DENND4C: variants seen among roughly 807,000 people sequenced by gnomAD.
DENND4C encodes DENN domain containing 4C.
A neutral mutation model predicts 203.0 loss-of-function variants in DENND4C; 108 were observed. The ratio of observed to expected loss-of-function variants is 0.53; its 90% CI spans 0.46 to 0.62. The LOEUF (loss-of-function observed/expected upper bound fraction) is 0.62. DENND4C is among the 20% of genes least tolerant of loss of function. The pLI, the probability that DENND4C is intolerant of heterozygous loss-of-function variation, is 0.00. For missense variants in DENND4C, 2,481 were observed against 2,301.2 expected (o/e 1.08, Z -1.60); for synonymous variants, 871 against 792.4 (o/e 1.10, Z -1.67).
rs1346019756 is a variant in DENND4C, at chr9:19,296,028, G to C, written c.822G>C (p.Gln274His). 3.1e-6 allele frequency: 5 copies of C among 1,613,864 alleles called. No homozygotes were observed. The South Asian group carries it at 4.4e-5, about 14-fold the overall frequency. The change falls in exon 6 of 33, where the codon CAG (glutamine) becomes CAC (histidine). Residue 274 changes from glutamine (Q) to histidine (H), a missense_variant. Gln to His is a conservative substitution (Grantham distance 24). This residue lies in a region of DENND4C where 2,289 missense variants were observed against 2,113.3 expected (regional missense o/e 1.08). Coordinates refer to ENST00000434457, the MANE Select transcript of DENND4C (RefSeq NM_001330640.2). The stretch of plus-strand genomic sequence containing the variant: ...TTTAGGTATATGGAGCTGCCATTCA[G>C]TTTTATGAACCTTACTCTCGGGAAC... ...SAKKVYGAAI[Q>H]FYEPYSRELL...
At chr9:19,356,312 A>G (rs1366114365) in intron 26 of DENND4C, among the ~76,000 whole-genome samples, 2 of 152,172 alleles carry the variant, frequency 1.3e-5, no homozygotes, top group East Asian at 3.8e-4. Flanking sequence ...AGATAAATTG[A>G]TATACAGCAA....
In DENND4C at chr9:19,372,161, G is replaced by C. The variant is rs560577660; in HGVS notation, c.5865G>C (p.Ala1955=). Residue 1955 remains alanine, a synonymous_variant, in exon 33 of 33, where the codon GCG becomes GCC. Transcript: ENST00000434457. ...SVEWCRKCFG[A]PLI ...AGTGGTGCAGGAAGTGTTTTGGAGC[G>C]CCTCTCATTTAAATAGAGATTCACT... The C allele has an allele frequency of 3.1e-6, 5 of 1,610,722 alleles. No individual in the cohort carries two copies. Among genetic ancestry groups the C allele is most frequent in the Non-Finnish European group, 4.2e-6 (5 of 1,178,928 alleles).
chr9:19,359,088 A>AAG (rs1200491053), intron 28 of DENND4C, among the ~76,000 whole-genome samples: 1 of 151,778 alleles, frequency 6.6e-6, no homozygotes, highest in Non-Finnish European at 1.5e-5. Context: ...CAAAAGATAA[A>AAG]ATTTATAGTG....
chr9:19,300,684 A>G (rs919222286), intron 9 of DENND4C, among the ~76,000 whole-genome samples: 5 of 152,234 alleles, frequency 3.3e-5, no homozygotes, highest in African/African-American at 1.2e-4. Flanking sequence ...TATGCAAATG[A>G]TTACATGGTT....
chr9:19,324,847 G>A (rs960065311), intron 13 of DENND4C, among the ~76,000 whole-genome samples: 1 of 152,188 alleles, frequency 6.6e-6, no homozygotes, highest in Non-Finnish European at 1.5e-5. Flanking sequence ...AGCCTTCTGA[G>A]TAGCTGGGAC....
At chr9:19,264,305 CTT>C (rs550120499) in intron 1 of DENND4C, among the ~76,000 whole-genome samples, 3 of 142,948 alleles carry the variant, frequency 2.1e-5, no homozygotes, top group Non-Finnish European at 1.5e-5. Flanking sequence ...ATAGTAGTTC[CTT>C]TTTTTTTTTT....
At chr9:19,370,167 GTGTC>G (rs1589002680) in intron 31 of DENND4C, 180 bp downstream of exon 31, 2 of 749,410 alleles carry the variant, frequency 2.7e-6, no homozygotes, top group East Asian at 3.2e-5. Flanking sequence ...CATAATAAAA[GTGTC>G]TGGGGGCTTG....
chr9:19,364,916 A>G (rs1275316239), intron 30 of DENND4C, among the ~76,000 whole-genome samples: 1 of 151,604 alleles, frequency 6.6e-6, no homozygotes, highest in Non-Finnish European at 1.5e-5. Context: ...AAAACGAAAA[A>G]AAAAGAAATT....
chr9:19,288,530 T>C (rs1445059613), intron 3 of DENND4C, 66 bp from the exon 4 acceptor site: 2 of 948,186 alleles, frequency 2.1e-6, no homozygotes, highest in Non-Finnish European at 2.7e-6. Flanking sequence ...CTTTAGTTGG[T>C]ATCCAACAAA....
intron 30 of DENND4C, among the ~76,000 whole-genome samples, chr9:19,363,377 G>C (rs977702143): frequency 6.6e-6 from 1 of 152,058 alleles, no homozygotes; most frequent in Non-Finnish European, 1.5e-5. Context: ...GCTGGGCGTG[G>C]TGGTGGGCAC....
chr9:19,259,060 G>A (rs1234809863), intron 1 of DENND4C, among the ~76,000 whole-genome samples: 1 of 152,092 alleles, frequency 6.6e-6, no homozygotes, highest in Non-Finnish European at 1.5e-5. Flanking sequence ...GGTAAATGGA[G>A]TATCCATCAC....
At chr9:19,327,157 A>C (rs1345586008) in intron 15 of DENND4C, among the ~76,000 whole-genome samples, 1 of 152,092 alleles carries the variant, frequency 6.6e-6, no homozygotes, top group East Asian at 1.9e-4. Flanking sequence ...GCTTTGGCTT[A>C]ACTACAAGAA....
rs865830910 is a variant in DENND4C at position 19,315,813 on chromosome 9, C to G, written c.1488-604C>G. Among the ~76,000 whole-genome samples, 4 of 151,784 alleles carry G rather than the reference C, an allele frequency of 2.6e-5. No individual in the cohort carries two copies. In the South Asian group the frequency reaches 8.3e-4, roughly 32 times the overall value. On this transcript the variant is annotated intron_variant, in intron 10 of 32. Coordinates refer to ENST00000434457, the MANE Select transcript of DENND4C (RefSeq NM_001330640.2). ...CTCCGCCTCCTGGGTTCAAGTGATT[C>G]TTCTGCCTCAGCCTCCTGAGTAGCT...
At chr9:19,315,878 G>C (rs557047489) in intron 10 of DENND4C, among the ~76,000 whole-genome samples, 1 of 151,980 alleles carries the variant, frequency 6.6e-6, no homozygotes, top group East Asian at 1.9e-4. Context: ...GCTAATTTTT[G>C]TATTTTTAGT....
chr9:19,323,044 C>T (rs186009484), intron 12 of DENND4C, among the ~76,000 whole-genome samples: 1 of 152,182 alleles, frequency 6.6e-6, no homozygotes, highest in East Asian at 1.9e-4. Context: ...ATGGCTCATG[C>T]CTGTAATTCT....
chr9:19,294,046 A>G (rs975920933), intron 5 of DENND4C, among the ~76,000 whole-genome samples: 5 of 152,288 alleles, frequency 3.3e-5, no homozygotes, highest in African/African-American at 1.2e-4. Flanking sequence ...ACTTTTGAAA[A>G]TATTGGTTTG....
At chr9:19,244,117 G>A (rs1391054442) in intron 1 of DENND4C, among the ~76,000 whole-genome samples, 1 of 152,034 alleles carries the variant, frequency 6.6e-6, no homozygotes, top group African/African-American at 2.4e-5. Flanking sequence ...TGCCGCCTCC[G>A]CCTCCCGGGT....
intron 2 of DENND4C, 50 bp from the exon 3 acceptor site, chr9:19,286,719 T>C (rs1835287286): frequency 2.5e-6 from 3 of 1,181,626 alleles, no homozygotes; most frequent in Non-Finnish European, 3.2e-6. Context: ...TACATATGTA[T>C]GTGTGTATGT....
At chr9:19,244,664 C>T (rs969683174) in intron 1 of DENND4C, among the ~76,000 whole-genome samples, 7 of 150,558 alleles carry the variant, frequency 4.6e-5, no homozygotes, top group South Asian at 2.1e-4. Flanking sequence ...CGCTTGAACC[C>T]GGGAGGTGGA....
Sources: allele counts gnomAD v4.1 joint callset (sites outside exome capture counted in the v4.1 genomes callset), GRCh38; gene constraint gnomAD v4.1.1; regional missense constraint gnomAD v4.1.1; transcripts MANE v1.5; gene names NCBI Gene and HGNC (gene_info 2026-07-23, HGNC 2026-07-21).